The following PLCB4 variants were observed in gnomAD, a reference collection of about 807,000 sequenced individuals.
The protein encoded by PLCB4 is phospholipase C beta 4, also known as 1-phosphatidylinositol 4,5-bisphosphate phosphodiesterase beta-4.
A neutral mutation model predicts 178.8 loss-of-function variants in PLCB4; 77 were observed. The ratio of observed to expected loss-of-function variants is 0.43; its 90% CI spans 0.36 to 0.52. The LOEUF (loss-of-function observed/expected upper bound fraction) is 0.52, where lower values mean the gene tolerates loss of function less well. PLCB4 is among the 20% of genes least tolerant of loss of function. The pLI is 0.00. For synonymous variants in PLCB4, 496 were observed against 490.8 expected, an observed-to-expected ratio of 1.01 and a Z score of -0.14; for missense variants, 1,024 against 1,453.4, an observed-to-expected ratio of 0.70 and a Z score of 4.80.
Position 9,199,612 on chromosome 20 carries a change from G to A in PLCB4, c.-78-17778G>A, listed in dbSNP as rs542188284. Among the ~76,000 whole-genome samples the A allele has an allele frequency of 5.2e-4, 79 of 152,182 alleles. No homozygotes were observed. In the South Asian group the frequency reaches 0.015, roughly 30 times the overall value. On this transcript the variant is annotated intron_variant, in intron 2 of 39. Coordinates refer to ENST00000378473, the MANE Select transcript of PLCB4 (RefSeq NM_001377142.1). ...ACAATTCCAGTTTCTCTGGTTCTTC[G>A]AAATTGTCCTGAATTTCTTTAAAAT...
chr20:9,243,922 C>T (rs1049720042), intron 3 of PLCB4, among the ~76,000 whole-genome samples: 8 of 152,270 alleles, frequency 5.3e-5, no homozygotes, highest in African/African-American at 1.9e-4. Context: ...GTGCCTAGAA[C>T]ATGGTTAGCC....
chr20:9,176,098 A>C (rs1035087074), intron 2 of PLCB4, among the ~76,000 whole-genome samples: 7 of 152,138 alleles, frequency 4.6e-5, no homozygotes, highest in African/African-American at 1.7e-4. Context: ...CTGGGATTTC[A>C]TACAAATGGA....
At chr20:9,403,664 T>G (rs2039215316) in intron 20 of PLCB4, among the ~76,000 whole-genome samples, 1 of 152,190 alleles carries the variant, frequency 6.6e-6, no homozygotes, top group South Asian at 2.1e-4. Flanking sequence ...ACAGGCTTAT[T>G]TGCCTTATTT....
intron 3 of PLCB4, among the ~76,000 whole-genome samples, chr20:9,258,924 G>A (rs2094267838): frequency 6.6e-6 from 1 of 152,044 alleles, no homozygotes; most frequent in African/African-American, 2.4e-5. Context: ...AATTAATGCA[G>A]TGTAAGCTCA....
At chr20:9,452,574 T>A (rs1039422830) in intron 32 of PLCB4, among the ~76,000 whole-genome samples, 1 of 152,200 alleles carries the variant, frequency 6.6e-6, no homozygotes, top group African/African-American at 2.4e-5. Flanking sequence ...TTCATATAAG[T>A]CATTGGCTGT....
intron 5 of PLCB4, among the ~76,000 whole-genome samples, 197 bp from the exon 6 acceptor site, chr20:9,337,811 A>G (rs2032668221): frequency 6.6e-6 from 1 of 152,176 alleles, no homozygotes; most frequent in Non-Finnish European, 1.5e-5. Flanking sequence ...ATATATATAT[A>G]TGTGAAATGG....
Position 9,453,379 on chromosome 20 carries a change from G to A in PLCB4, c.2913G>A (p.Thr971=), listed in dbSNP as rs749780243. ...EHSTMQKLHC[T]QVDKIVAQYD... is the part of the protein sequence containing the mutation. The stretch of plus-strand genomic sequence containing the variant: ...GTACCATGCAGAAGTTACACTGCAC[G>A]CAAGTTGACAAAATTGTGGCACAGT... Residue 971 remains threonine, a synonymous_variant, in exon 33 of 40, where the codon ACG becomes ACA. Coordinates refer to ENST00000378473, the MANE Select transcript of PLCB4 (RefSeq NM_001377142.1). 2.0e-5 allele frequency: 33 copies of A among 1,612,332 alleles called. No homozygotes were observed. In the Admixed American group the frequency reaches 2.5e-4, roughly 12 times the overall value.
At chr20:9,291,163 A>G (rs1014316989) in intron 3 of PLCB4, among the ~76,000 whole-genome samples, 2 of 152,160 alleles carry the variant, frequency 1.3e-5, no homozygotes, top group African/African-American at 2.4e-5. Flanking sequence ...AAAACTATAA[A>G]CTTTGTATTT....
intron 28 of PLCB4, among the ~76,000 whole-genome samples, chr20:9,431,771 A>G (rs985026306): frequency 6.6e-6 from 1 of 151,872 alleles, no homozygotes; most frequent in Non-Finnish European, 1.5e-5. Context: ...CAGCCTCCCA[A>G]AGTACTGGGA....
intron 2 of PLCB4, among the ~76,000 whole-genome samples, chr20:9,118,846 A>G (rs1490313964): frequency 6.6e-6 from 1 of 152,214 alleles, no homozygotes; most frequent in African/African-American, 2.4e-5. Context: ...ATTAGCACAT[A>G]TCCTTTACTG....
intron 2 of PLCB4, among the ~76,000 whole-genome samples, chr20:9,119,754 G>A (rs999959062): frequency 6.6e-6 from 1 of 152,206 alleles, no homozygotes; most frequent in East Asian, 1.9e-4. Context: ...GCAACCATCT[G>A]CTAGTGTTTA....
At chr20:9,119,851 C>T (rs937269780) in intron 2 of PLCB4, among the ~76,000 whole-genome samples, 7 of 152,184 alleles carry the variant, frequency 4.6e-5, no homozygotes, top group African/African-American at 1.2e-4. Flanking sequence ...ACACAAACCA[C>T]GCTGTTGCCT....
intron 7 of PLCB4, among the ~76,000 whole-genome samples, chr20:9,341,071 A>G (rs1235399106): frequency 6.6e-6 from 1 of 152,158 alleles, no homozygotes; most frequent in Non-Finnish European, 1.5e-5. Context: ...AGGTCTTCTC[A>G]TGCCCTATAT....
intron 4 of PLCB4, among the ~76,000 whole-genome samples, 161 bp from the exon 5 acceptor site, chr20:9,336,963 CAA>C (rs1352048639): frequency 1.3e-5 from 2 of 152,008 alleles, no homozygotes; most frequent in African/African-American, 4.8e-5. Flanking sequence ...AAATTGAAAG[CAA>C]AGAGTTTTCA....
At chr20:9,304,847 C>T (rs1435223064) in intron 3 of PLCB4, among the ~76,000 whole-genome samples, 2 of 147,886 alleles carry the variant, frequency 1.4e-5, no homozygotes, top group African/African-American at 2.5e-5. Context: ...TTCATTCCTG[C>T]GTTTTCTTTT....
chr20:9,410,172 A>G (rs2039758540), intron 24 of PLCB4, among the ~76,000 whole-genome samples: 1 of 152,298 alleles, frequency 6.6e-6, no homozygotes, highest in African/African-American at 2.4e-5. Flanking sequence ...CATGCCTTGA[A>G]GGAGCCTCCC....
rs148843452 is a variant in PLCB4 at position 9,458,092 on chromosome 20, G to GA, written c.3072+612dup. Among the ~76,000 whole-genome samples, 171 of 145,330 alleles carry GA rather than the reference G, an allele frequency of 1.2e-3. 1 individual carries two copies. Among genetic ancestry groups the GA allele is most frequent in the African/African-American group, 3.5e-3 (140 of 39,542 alleles). On this transcript the variant is annotated intron_variant, in intron 34 of 39. Transcript: ENST00000378473. ...GCAATGATAGTTTTTAAATGAAAAGGAAAAAAAAAGAAAAAAAAAACCAAC... is the reference window on the plus strand; with the variant it reads ...GCAATGATAGTTTTTAAATGAAAAGGAAAAAAAAAAGAAAAAAAAAACCAAC...
chr20:9,098,073 AT>A (rs1479608159), intron 2 of PLCB4, among the ~76,000 whole-genome samples: 1 of 152,238 alleles, frequency 6.6e-6, no homozygotes. Flanking sequence ...GCTGTATGCA[AT>A]TATTGCAGTG....
intron 2 of PLCB4, among the ~76,000 whole-genome samples, chr20:9,132,274 G>A (rs1181400429): frequency 6.8e-6 from 1 of 146,146 alleles, no homozygotes; most frequent in African/African-American, 2.6e-5. Context: ...AGTCAGCAAG[G>A]GCATAATGTT....
Sources: allele counts gnomAD v4.1 joint callset (sites outside exome capture counted in the v4.1 genomes callset), GRCh38; gene constraint gnomAD v4.1.1; transcripts MANE v1.5; gene names NCBI Gene and HGNC (gene_info 2026-07-23, HGNC 2026-07-21).